SLC30A3: variants seen among roughly 807,000 people sequenced by gnomAD.
SLC30A3 encodes probable proton-coupled zinc antiporter SLC30A3.
In SLC30A3, 20 loss-of-function variants were observed where a neutral mutation model predicts 35.6. That is an observed-to-expected ratio of 0.56 (90% CI 0.39 to 0.82). SLC30A3 has a LOEUF of 0.82. Ranked by LOEUF, SLC30A3 falls within the 40% of genes least tolerant of loss-of-function variation. SLC30A3 has a pLI of 0.00. For synonymous variants in SLC30A3, 217 were observed against 224.7 expected (o/e 0.97, Z 0.31); for missense variants, 401 against 530.6 (o/e 0.76, Z 2.40).
chr2:27,258,783 A>G lies in SLC30A3; in HGVS notation c.247T>C (p.Cys83Arg). 1 of 1,614,236 alleles carries G rather than the reference A, an allele frequency of 6.2e-7. No individual in the cohort carries two copies. The change falls in exon 2 of 8, where the codon TGC becomes CGC. Residue 83 changes from cysteine to arginine, a missense_variant. Physicochemically the swap from Cys to Arg is radical, Grantham distance 180 (BLOSUM62 -3). Coordinates refer to ENST00000233535, the MANE Select transcript of SLC30A3 (RefSeq NM_003459.5). The surrounding 1 kb of genome is among the most constrained non-coding windows in gnomAD (Gnocchi z 4.0). ...ACCTCCCCAGCCATGAAGACAAAGCAAACGGCACAGGCAGCATATAGCTGC... is the reference window on the plus strand; with the variant it reads ...ACCTCCCCAGCCATGAAGACAAAGCGAACGGCACAGGCAGCATATAGCTGC... ...RRQLYAACAV[C>R]FVFMAGEVVG...
chr2:27,257,086 C>A lies in SLC30A3; in HGVS notation c.777+68G>T. 1 of 1,495,490 alleles carries A rather than the reference C, an allele frequency of 6.7e-7. No individual in the cohort carries two copies. 92.6% of individuals were successfully genotyped at this position (1,495,490 alleles called of 1,614,324 possible). ...AGGGAGGAGGAAGGAAGCTTTGGGA[C>A]CTGGGAAGGAGTGGGCTGGGATGTG... is the stretch of plus-strand genomic sequence containing the variant. On this transcript the variant is annotated intron_variant, in intron 5 of 7. Transcript: ENST00000233535. The surrounding 1 kb of genome is among the most constrained non-coding windows in gnomAD (Gnocchi z 4.7).
At chr2:27,263,349 C>G (rs1043943665), upstream of SLC30A3, 6 of 465,268 alleles carry the variant, frequency 1.3e-5, no homozygotes, top group African/African-American at 1.0e-4. Flanking sequence ...GACCAACCTT[C>G]GCCCAACGAC....
At position 27,255,743 on chromosome 2, in the gene SLC30A3, G is replaced by A. The variant is rs1168400662; in HGVS notation, c.1019-283C>T. ...CAACATTTCAGCAGCCATACCACCCGATTTCCCAGGACAATCCAGTTGTTA... is the reference window on the plus strand; with the variant it reads ...CAACATTTCAGCAGCCATACCACCCAATTTCCCAGGACAATCCAGTTGTTA... On this transcript the variant is annotated intron_variant, in intron 7 of 7. Coordinates refer to ENST00000233535, the MANE Select transcript of SLC30A3 (RefSeq NM_003459.5). This position sits in a 1 kb window ranked among gnomAD's most constrained non-coding sequence, Gnocchi z 5.2. 9 of 412,242 alleles carry A rather than the reference G, an allele frequency of 2.2e-5. No homozygotes were observed. Among genetic ancestry groups the A allele is most frequent in the East Asian group, 5.2e-5 (1 of 19,304 alleles). The allele number at this position is 412,242 out of a possible 1,614,324, so 25.5% of individuals were successfully genotyped here. A position where few individuals can be genotyped will look rare whatever the true frequency, so the allele number is the denominator to read the frequency against.
chr2:27,275,733 C>T (rs1192116519), upstream of SLC30A3: 1 of 160,898 alleles, frequency 6.2e-6, no homozygotes, highest in Non-Finnish European at 1.4e-5. Flanking sequence ...CGCCTTTTCT[C>T]TTCCTTCTCC....
intron 1 of SLC30A3, among the ~76,000 whole-genome samples, chr2:27,274,486 G>A (rs924680590): frequency 3.3e-5 from 5 of 152,180 alleles, no homozygotes; most frequent in African/African-American, 1.2e-4. Flanking sequence ...GAGCCATTGA[G>A]TGCTCTTGCA....
At chr2:27,275,478 C>T (rs1374127751), upstream of SLC30A3, 2 of 338,648 alleles carry the variant, frequency 5.9e-6, no homozygotes, top group South Asian at 2.2e-5. Context: ...CAGTCAACTG[C>T]TGGACCCGGC....
upstream of SLC30A3, chr2:27,264,169 C>T: frequency 1.3e-6 from 1 of 762,890 alleles, no homozygotes; most frequent in South Asian, 1.4e-5. The surrounding 1 kb of genome is among the most constrained non-coding windows in gnomAD (Gnocchi z 6.1). Context: ...AGGAGGGGAG[C>T]GAGTGAGCAG....
At chr2:27,256,614 G>T in intron 6 of SLC30A3, 94 bp from the exon 7 acceptor site, 1 of 1,533,364 alleles carries the variant, frequency 6.5e-7, no homozygotes, top group Non-Finnish European at 9.0e-7. Flanking sequence ...TATCCTGTAT[G>T]CACTCTCCTT....
Position 27,262,727 on chromosome 2 carries a change from G to C in SLC30A3, c.95+85C>G. ...CGCGGTGCGCTGGGGCGGCCGCCGG[G>C]GCCCGCGCCGAGAGAGACAACGAAA... is the stretch of plus-strand genomic sequence containing the variant. On this transcript the variant is annotated intron_variant, in intron 1 of 7. Coordinates refer to ENST00000233535, the MANE Select transcript of SLC30A3 (RefSeq NM_003459.5). The surrounding 1 kb of genome is among the most constrained non-coding windows in gnomAD (Gnocchi z 7.5). 1 of 1,327,792 alleles carries C rather than the reference G, an allele frequency of 7.5e-7. No individual in the cohort carries two copies. The highest frequency in any genetic ancestry group is 9.9e-7 in the Non-Finnish European group (1 of 1,012,134). 82.3% of individuals were successfully genotyped at this position (1,327,792 alleles called of 1,614,324 possible). A position where few individuals can be genotyped will look rare whatever the true frequency, so the allele number is the denominator to read the frequency against.
upstream of SLC30A3, among the ~76,000 whole-genome samples, chr2:27,267,650 C>A (rs1445253984): frequency 6.6e-6 from 1 of 152,006 alleles, no homozygotes; most frequent in African/African-American, 2.4e-5. Flanking sequence ...AAAACTGCAA[C>A]CTGACTGGAT....
intron 1 of SLC30A3, among the ~76,000 whole-genome samples, chr2:27,270,411 G>T (rs1677682451): frequency 6.6e-6 from 1 of 152,108 alleles, no homozygotes; most frequent in African/African-American, 2.4e-5. Context: ...CTAAGAGGCT[G>T]AGGAGAAGGA....
In SLC30A3 at chr2:27,255,071, G is replaced by T; in HGVS notation, c.*241C>A. On this transcript the variant is annotated 3_prime_UTR_variant, in exon 8 of 8. Transcript: ENST00000233535. The surrounding 1 kb of genome is among the most constrained non-coding windows in gnomAD (Gnocchi z 5.2). ...CACCCTGCCACACTGAGGCCTGGGA[G>T]TCCCCGCCCCTGAACTAGTCACATC... The T allele has an allele frequency of 1.4e-6, 2 of 1,460,658 alleles. No individual in the cohort carries two copies. Among genetic ancestry groups the T allele is most frequent in the Non-Finnish European group, 9.1e-7 (1 of 1,102,318 alleles). 90.5% of individuals were successfully genotyped at this position (1,460,658 alleles called of 1,614,324 possible).
At chr2:27,275,362 C>T (rs998490939), upstream of SLC30A3, 2 of 521,156 alleles carry the variant, frequency 3.8e-6, no homozygotes, top group Admixed American at 3.0e-5. Context: ...CGCTTCCCTG[C>T]GCGCGAAATA....
chr2:27,259,296 C>T (rs1456445198), intron 1 of SLC30A3, among the ~76,000 whole-genome samples: 1 of 152,114 alleles, frequency 6.6e-6, no homozygotes, highest in African/African-American at 2.4e-5. Context: ...AGATCGAGAC[C>T]ATCCTGGCCA....
Position 27,257,661 on chromosome 2 carries a change from G to A in SLC30A3, c.578+244C>T. 1.7e-6 allele frequency: 1 copy of A among 601,156 alleles called. No homozygotes were observed. The highest frequency in any genetic ancestry group is 2.9e-6 in the Non-Finnish European group (1 of 339,458). 37.2% of individuals were successfully genotyped at this position (601,156 alleles called of 1,614,324 possible). ...CATGGGGTGGCTGTGAGGTTTAAAT[G>A]CAATCATGTTGATGAAAGCCCTCAT... On this transcript the variant is annotated intron_variant, in intron 4 of 7. Transcript: ENST00000233535. The surrounding 1 kb of genome is among the most constrained non-coding windows in gnomAD (Gnocchi z 4.7).
Position 27,258,256 on chromosome 2 carries a change from A to C in SLC30A3, c.329T>G (p.Leu110Arg). 6.4e-7 allele frequency: 1 copy of C among 1,566,894 alleles called. No individual in the cohort carries two copies. The highest frequency in any genetic ancestry group is 8.7e-7 in the Non-Finnish European group (1 of 1,153,882). The change falls in exon 3 of 8, where the codon CTG becomes CGG. Residue 110 changes from leucine to arginine, a missense_variant. This residue lies in a region of SLC30A3 where 296 missense variants were observed against 392.6 expected (regional missense o/e 0.75). Transcript: ENST00000233535. The surrounding 1 kb of genome is among the most constrained non-coding windows in gnomAD (Gnocchi z 4.0). The part of the protein sequence containing the change: ...LAIMTDAAHL[L>R]ADVGSMMGSL... ...GCCCATCATGCTGCCCACATCCGCC[A>C]GCAAGTGGGCTGCATCGGTCATGAT...
chr2:27,259,252 T>C (rs1677050233), intron 1 of SLC30A3, among the ~76,000 whole-genome samples: 1 of 152,134 alleles, frequency 6.6e-6, no homozygotes, highest in African/African-American at 2.4e-5. Context: ...CCCAGCACTT[T>C]GGGAGGCCAA....
chr2:27,255,267 G>A lies in SLC30A3; in HGVS notation c.*45C>T, dbSNP rs761262711. On this transcript the variant is annotated 3_prime_UTR_variant, in exon 8 of 8. Transcript: ENST00000233535. This position sits in a 1 kb window ranked among gnomAD's most constrained non-coding sequence, Gnocchi z 5.2. Reference sequence around the variant, plus strand: ...CAGGGCAGCAGATGCTGAGAGTCTGGGGCTGAGCCTCGGCCTGGCAGTGGG... The same window carrying A: ...CAGGGCAGCAGATGCTGAGAGTCTGAGGCTGAGCCTCGGCCTGGCAGTGGG... The A allele has an allele frequency of 6.2e-7, 1 of 1,611,420 alleles. No individual in the cohort carries two copies. Among genetic ancestry groups the A allele is most frequent in the Non-Finnish European group, 8.5e-7 (1 of 1,178,542 alleles).
rs2148120619 is a variant in SLC30A3 at position 27,257,232 on chromosome 2, C to T, written c.699G>A (p.Arg233=). Reference sequence around the variant, plus strand: ...CCCCCAGCACGTGCACAAATGCCGCCCGGACGCTGGTGTTCCCCAGGGGCA... The same window carrying T: ...CCCCCAGCACGTGCACAAATGCCGCTCGGACGCTGGTGTTCCCCAGGGGCA... ...EPLPLGNTSV[R]AAFVHVLGDL... Residue 233 remains arginine, a synonymous_variant, in exon 5 of 8, where the codon CGG becomes CGA. Coordinates refer to ENST00000233535, the MANE Select transcript of SLC30A3 (RefSeq NM_003459.5). The surrounding 1 kb of genome is among the most constrained non-coding windows in gnomAD (Gnocchi z 4.7). 6 of 1,614,086 alleles carry T rather than the reference C, an allele frequency of 3.7e-6. No individual in the cohort carries two copies. Among genetic ancestry groups the T allele is most frequent in the Non-Finnish European group, 5.1e-6 (6 of 1,179,992 alleles).
Sources: gnomAD v4.1 joint callset for allele counts (sites outside exome capture counted in the v4.1 genomes callset) on GRCh38, gnomAD v4.1.1 for gene constraint, gnomAD v4.1.1 regional missense constraint, Gnocchi (gnomAD v3.1) non-coding constraint, MANE v1.5 for transcripts, NCBI Gene and HGNC (gene_info 2026-07-23, HGNC 2026-07-21) for gene names.